LHX4: variants seen among roughly 807,000 people sequenced by gnomAD.
LHX4 encodes the protein LIM homeobox 4.
Under a neutral mutation model 39.2 loss-of-function variants are expected in LHX4, and 16 were observed. The observed-to-expected ratio is 0.41, with a 90% CI of 0.28 to 0.62. The LOEUF is 0.62. Among genes scored for constraint, LHX4 ranks in the 20% least tolerant of loss-of-function variants. The pLI is 0.33. For missense variants in LHX4, 439 were observed against 511.9 expected (o/e 0.86, Z 1.37); for synonymous variants, 206 against 198.1 (o/e 1.04, Z -0.33).
At chr1:180,254,344 G>A (rs536148640) in intron 2 of LHX4, among the ~76,000 whole-genome samples, 11 of 152,356 alleles carry the variant, frequency 7.2e-5, no homozygotes, top group African/African-American at 2.2e-4. Context: ...GGAGCTGTGC[G>A]GCTGCTGGGC....
chr1:180,234,928 G>T lies in LHX4; in HGVS notation c.76+4323G>T, dbSNP rs890780168. 2.6e-5 allele frequency among the ~76,000 whole-genome samples: 4 copies of T among 152,226 alleles called. No homozygotes were observed. Among genetic ancestry groups the T allele is most frequent in the Non-Finnish European group, 5.9e-5 (4 of 68,030 alleles). On this transcript the variant is annotated intron_variant, in intron 1 of 5. Coordinates refer to ENST00000263726, the MANE Select transcript of LHX4 (RefSeq NM_033343.4). This position sits in a 1 kb window ranked among gnomAD's most constrained non-coding sequence, Gnocchi z 4.8. ...CCCGCGGGCAGATGCCGGCCTGGGT[G>T]GCCCGGGGAACAGACGATGAATTCT...
At chr1:180,229,357 C>T (rs549823822), upstream of LHX4, among the ~76,000 whole-genome samples, 1 of 152,238 alleles carries the variant, frequency 6.6e-6, no homozygotes, top group African/African-American at 2.4e-5. Context: ...AGGTTTGGGC[C>T]CCCTACCCTG....
chr1:180,266,262 TG>T lies in LHX4; in HGVS notation c.249-127del. 2.4e-6 allele frequency: 2 copies of T among 844,910 alleles called. No individual in the cohort carries two copies. Among genetic ancestry groups the T allele is most frequent in the Non-Finnish European group, 4.0e-6 (2 of 503,612 alleles). The allele number at this position is 844,910 out of a possible 1,614,324, so 52.3% of individuals were successfully genotyped here. On this transcript the variant is annotated intron_variant, in intron 2 of 5. Transcript: ENST00000263726. This position sits in a 1 kb window ranked among gnomAD's most constrained non-coding sequence, Gnocchi z 5.7. ...GCAGAGAGGACCAGACGGTAAGCTC[TG>T]GGTGACTGGGGGGTGAGGCTCATGG...
rs1455268094 is a variant in LHX4, at chr1:180,277,684, AC to A, written c.*3107del. On this transcript the variant is annotated 3_prime_UTR_variant, in exon 6 of 6. Coordinates refer to ENST00000263726, the MANE Select transcript of LHX4 (RefSeq NM_033343.4). ...TGGCCCTTCAAGGACTTGCTATGCA[AC>A]CTCAGGCAAATTCCTCTCAGTCTTT... The A allele has an allele frequency of 2.0e-5, 3 of 152,106 alleles. No homozygotes were observed. The highest frequency in any genetic ancestry group is 4.4e-5 in the Non-Finnish European group (3 of 68,018). The allele number at this position is 152,106 out of a possible 1,614,324, so 9.4% of individuals were successfully genotyped here. A position where few individuals can be genotyped will look rare whatever the true frequency, so the allele number is the denominator to read the frequency against.
chr1:180,271,268 C>G, intron 3 of LHX4, 112 bp from the exon 4 acceptor site: 1 of 1,233,780 alleles, frequency 8.1e-7, no homozygotes, highest in South Asian at 1.2e-5. Flanking sequence ...CTCGCGCTGT[C>G]CTGCCTACAG....
rs958025242 is a variant in LHX4, at chr1:180,266,708, C to G, written c.451+114C>G. ...CCTGCCCATCCCTCAGAGCCCTACTCATGCACCGCCACCTCTGAGAAGCGT... is the reference window on the plus strand; with the variant it reads ...CCTGCCCATCCCTCAGAGCCCTACTGATGCACCGCCACCTCTGAGAAGCGT... On this transcript the variant is annotated intron_variant, in intron 3 of 5. Coordinates refer to ENST00000263726, the MANE Select transcript of LHX4 (RefSeq NM_033343.4). This position sits in a 1 kb window ranked among gnomAD's most constrained non-coding sequence, Gnocchi z 5.7. 1 of 984,624 alleles carries G rather than the reference C, an allele frequency of 1.0e-6. No homozygotes were observed. The highest frequency in any genetic ancestry group is 1.6e-6 in the Non-Finnish European group (1 of 639,276). 61.0% of individuals were successfully genotyped at this position (984,624 alleles called of 1,614,324 possible).
intron 2 of LHX4, among the ~76,000 whole-genome samples, chr1:180,261,073 C>A (rs1004834035): frequency 1.3e-5 from 2 of 151,882 alleles, no homozygotes; most frequent in Non-Finnish European, 1.5e-5. Flanking sequence ...GGCCTCATTT[C>A]AACCCGGGAC....
At chr1:180,258,299 C>T (rs578040550) in intron 2 of LHX4, among the ~76,000 whole-genome samples, 4 of 152,256 alleles carry the variant, frequency 2.6e-5, no homozygotes, top group South Asian at 2.1e-4. Flanking sequence ...GGGGGGAGAG[C>T]GTGCCAGCAG....
upstream of LHX4, among the ~76,000 whole-genome samples, chr1:180,229,886 C>T (rs950520256): frequency 6.7e-6 from 1 of 150,206 alleles, no homozygotes; most frequent in African/African-American, 2.5e-5. Flanking sequence ...CACCTGCTGC[C>T]GCGGCAGGCC....
chr1:180,270,766 C>T (rs1648597381), intron 3 of LHX4: 1 of 158,608 alleles, frequency 6.3e-6, no homozygotes, highest in African/African-American at 2.4e-5. Context: ...ATCCCATTCT[C>T]TTCATCTGAT....
chr1:180,264,008 G>C (rs1189698687), intron 2 of LHX4, among the ~76,000 whole-genome samples: 1 of 152,176 alleles, frequency 6.6e-6, no homozygotes, highest in Non-Finnish European at 1.5e-5. Context: ...CTGTTGCCCA[G>C]GCTGGAGTGC....
chr1:180,248,243 G>A (rs778008251), intron 1 of LHX4, 42 bp from the exon 2 acceptor site: 6 of 1,606,938 alleles, frequency 3.7e-6, no homozygotes, highest in Non-Finnish European at 5.1e-6. Context: ...TAGCAGGGCT[G>A]TGTGGAAGGC....
intron 1 of LHX4, among the ~76,000 whole-genome samples, chr1:180,246,136 G>C (rs116306288): frequency 4.7e-4 from 72 of 152,308 alleles, no homozygotes; most frequent in African/African-American, 1.6e-3. Context: ...TGACTTCCAC[G>C]CAAATACTGG....
At chr1:180,249,570 C>G (rs1340751788) in intron 2 of LHX4, among the ~76,000 whole-genome samples, 1 of 152,152 alleles carries the variant, frequency 6.6e-6, no homozygotes, top group Non-Finnish European at 1.5e-5. Flanking sequence ...TAACCAAGCC[C>G]CATAGAGGCA....
intron 1 of LHX4, among the ~76,000 whole-genome samples, chr1:180,237,287 C>A (rs551855933): frequency 6.6e-6 from 1 of 152,150 alleles, no homozygotes; most frequent in Non-Finnish European, 1.5e-5. Context: ...TCTTTCTAGG[C>A]GCCCTGGGAG....
intron 2 of LHX4, among the ~76,000 whole-genome samples, chr1:180,253,386 G>T (rs1647705534): frequency 1.3e-5 from 2 of 152,230 alleles, no homozygotes; most frequent in South Asian, 4.1e-4. Flanking sequence ...CTTGGAGCTG[G>T]GTTCAAGTGT....
Position 180,274,351 on chromosome 1 carries a change from C to T in LHX4, c.945C>T (p.Ser315=). ...CCTATGGAATCCCCCAGTCTCCATC[C>T]TCCATATCGTCCCTGCCATCCCACG... ...GSPYGIPQSP[S]SISSLPSHAP... is the part of the protein sequence containing the mutation. The change falls in exon 6 of 6, where the codon TCC becomes TCT. Residue 315 remains serine (S), a synonymous_variant. Coordinates refer to ENST00000263726, the MANE Select transcript of LHX4 (RefSeq NM_033343.4). The T allele has an allele frequency of 1.9e-6, 3 of 1,614,226 alleles. No homozygotes were observed. Among genetic ancestry groups the T allele is most frequent in the Middle Eastern group, 1.6e-4 (1 of 6,062 alleles).
intron 2 of LHX4, among the ~76,000 whole-genome samples, chr1:180,255,087 A>G (rs542687374): frequency 6.6e-6 from 1 of 152,334 alleles, no homozygotes; most frequent in South Asian, 2.1e-4. Flanking sequence ...TGTGGGCAGG[A>G]ACCGCAGCCC....
At position 180,275,605 on chromosome 1, in the gene LHX4, T is replaced by G. The variant is rs1241304043; in HGVS notation, c.*1026T>G. The stretch of plus-strand genomic sequence containing the variant: ...AGATGAGCTTGCAAGTCTACCCCTC[T>G]GAAAGCTTTCTCTGCTGTCCTAGCT... On this transcript the variant is annotated 3_prime_UTR_variant, in exon 6 of 6. Transcript: ENST00000263726. 4.6e-5 allele frequency: 7 copies of G among 152,244 alleles called. No individual in the cohort carries two copies. Among genetic ancestry groups the G allele is most frequent in the Non-Finnish European group, 1.0e-4 (7 of 68,048 alleles). The allele number at this position is 152,244 out of a possible 1,614,324, so 9.4% of individuals were successfully genotyped here.
Sources: allele counts gnomAD v4.1 joint callset (sites outside exome capture counted in the v4.1 genomes callset), GRCh38; gene constraint gnomAD v4.1.1; non-coding constraint Gnocchi (gnomAD v3.1); transcripts MANE v1.5; gene names NCBI Gene and HGNC (gene_info 2026-07-23, HGNC 2026-07-21).